PLEKHA8: variants seen among roughly 807,000 people sequenced by gnomAD.
PLEKHA8 encodes pleckstrin homology domain-containing family A member 8.
Under a neutral mutation model 68.2 loss-of-function variants are expected in PLEKHA8, and 36 were observed. The observed-to-expected ratio is 0.53, with a 90% CI of 0.40 to 0.70. The LOEUF (loss-of-function observed/expected upper bound fraction) is 0.70, where lower values mean the gene tolerates loss of function less well. PLEKHA8 is among the 30% of genes least tolerant of loss of function. The pLI, the probability that PLEKHA8 is intolerant of heterozygous loss-of-function variation, is 0.00. For missense variants in PLEKHA8, 505 were observed against 615.4 expected (o/e 0.82, Z 1.90); for synonymous variants, 211 against 216.1 (o/e 0.98, Z 0.20).
At chr7:30,118,601 G>A (rs572490252) in intron 13 of PLEKHA8, among the ~76,000 whole-genome samples, 2 of 147,144 alleles carry the variant, frequency 1.4e-5, no homozygotes, top group African/African-American at 2.5e-5. Context: ...TTTTTGAGAC[G>A]GAGTCTTGCT....
chr7:30,086,771 A>AT (rs142336702), downstream of PLEKHA8, among the ~76,000 whole-genome samples: 4,650 of 152,042 alleles, frequency 0.031, 190 homozygotes, highest in African/African-American at 0.089. Context: ...TGATATTTTT[A>AT]TTTTTTTCTT....
At chr7:30,035,019 G>A (rs894719333) in intron 1 of PLEKHA8, among the ~76,000 whole-genome samples, 4 of 151,722 alleles carry the variant, frequency 2.6e-5, no homozygotes, top group Admixed American at 6.6e-5. Context: ...ATTAATTTTT[G>A]TGTACGATAT....
chr7:30,098,683 G>A (rs1208763594), intron 13 of PLEKHA8, among the ~76,000 whole-genome samples: 2 of 152,240 alleles, frequency 1.3e-5, no homozygotes, highest in African/African-American at 2.4e-5. Context: ...CGTTGGAAAA[G>A]CGCAGTATTA....
chr7:30,032,122 C>G (rs1404737849), intron 1 of PLEKHA8, among the ~76,000 whole-genome samples: 1 of 152,156 alleles, frequency 6.6e-6, no homozygotes, highest in Non-Finnish European at 1.5e-5. Context: ...GTTACAGATT[C>G]CCACATTGTG....
intron 12 of PLEKHA8, among the ~76,000 whole-genome samples, chr7:30,066,866 A>G (rs1342366102): frequency 3.3e-5 from 5 of 152,260 alleles, no homozygotes; most frequent in African/African-American, 1.2e-4. Flanking sequence ...CATGTATTTA[A>G]TATGAAAGGC....
chr7:30,116,177 TGTATACATACGCATACATACAC>T (rs1341794302), intron 13 of PLEKHA8, among the ~76,000 whole-genome samples: 104 of 151,414 alleles, frequency 6.9e-4, no homozygotes, highest in Admixed American at 1.3e-3. Flanking sequence ...TGTATACATA[TGTATACATACGCATACATACAC>T]GTATACATGT....
At chr7:30,095,208 A>T (rs1393192960), downstream of PLEKHA8, among the ~76,000 whole-genome samples, 1 of 152,198 alleles carries the variant, frequency 6.6e-6, no homozygotes, top group African/African-American at 2.4e-5. Flanking sequence ...CTTTTTAAAG[A>T]TCGCCATGCT....
intron 13 of PLEKHA8, among the ~76,000 whole-genome samples, chr7:30,075,993 G>A (rs1368542272): frequency 6.6e-6 from 1 of 151,702 alleles, no homozygotes; most frequent in Admixed American, 6.6e-5. Context: ...TAACATTTTT[G>A]TATTTTACTG....
intron 13 of PLEKHA8, among the ~76,000 whole-genome samples, chr7:30,119,156 C>T (rs1445755682): frequency 1.3e-5 from 2 of 152,194 alleles, no homozygotes; most frequent in Non-Finnish European, 2.9e-5. Flanking sequence ...ACTTCTGAGT[C>T]ACTACGGGAC....
chr7:30,101,819 G>A (rs10275279), intron 13 of PLEKHA8, among the ~76,000 whole-genome samples: 118,578 of 152,136 alleles, frequency 0.78, 46,407 homozygotes, highest in East Asian at 0.92. Context: ...TCTGATATTG[G>A]TAAGATGTCA....
At chr7:30,056,331 T>TATAA (rs1562870092) in intron 9 of PLEKHA8, among the ~76,000 whole-genome samples, 10 of 130,420 alleles carry the variant, frequency 7.7e-5, no homozygotes, top group Non-Finnish European at 1.1e-4. Flanking sequence ...TATATATATA[T>TATAA]AAATAACATA....
At chr7:30,108,067 C>CAAAAAAAAAAAAAAAAAAAAAAAAAAAA (rs796801365) in intron 13 of PLEKHA8, among the ~76,000 whole-genome samples, 2 of 52,848 alleles carry the variant, frequency 3.8e-5, no homozygotes, top group African/African-American at 7.3e-5. Flanking sequence ...AACTCCATCT[C>CAAAAAAAAAAAAAAAAAAAAAAAAAAAA]AAAAAAAAAA....
Position 30,062,668 on chromosome 7 carries a change from T to G in PLEKHA8, c.1230-4T>G. 1.2e-6 allele frequency: 2 copies of G among 1,605,198 alleles called. No homozygotes were observed. The highest frequency in any genetic ancestry group is 2.7e-5 in the African/African-American group (2 of 74,826). On this transcript the variant is annotated splice_region_variant and splice_polypyrimidine_tract_variant and intron_variant, in intron 11 of 13. Coordinates refer to ENST00000449726, the MANE Select transcript of PLEKHA8 (RefSeq NM_001197026.2). ...ATAATATTTCTTCCTTTATTTTGTTTTAGAGGTCTCAAATTTTTGAAGGGA... is the reference window on the plus strand; with the variant it reads ...ATAATATTTCTTCCTTTATTTTGTTGTAGAGGTCTCAAATTTTTGAAGGGA...
downstream of PLEKHA8, among the ~76,000 whole-genome samples, chr7:30,087,477 T>C (rs538170403): frequency 2.0e-5 from 3 of 152,314 alleles, no homozygotes; most frequent in South Asian, 6.2e-4. Context: ...CCAAACTTGG[T>C]TGCACCTACA....
chr7:30,107,534 TTTTA>T (rs1227925394), intron 13 of PLEKHA8, among the ~76,000 whole-genome samples: 1 of 152,122 alleles, frequency 6.6e-6, no homozygotes, highest in Non-Finnish European at 1.5e-5. Context: ...TCTTTATAAA[TTTTA>T]TTTCTTTTTC....
chr7:30,103,164 TAACAAAAATGTTCCAG>T (rs1451054707), intron 13 of PLEKHA8, among the ~76,000 whole-genome samples: 1 of 152,178 alleles, frequency 6.6e-6, no homozygotes, highest in African/African-American at 2.4e-5. Context: ...CTGTTTCGAA[TAACAAAAATGTTCCAG>T]AACAAAAATG....
At chr7:30,096,784 A>G (rs951529948) in intron 13 of PLEKHA8, among the ~76,000 whole-genome samples, 2 of 152,132 alleles carry the variant, frequency 1.3e-5, no homozygotes, top group Admixed American at 6.6e-5. Flanking sequence ...TATCCAATTT[A>G]CCAGTCTGTG....
chr7:30,045,224 A>G, intron 2 of PLEKHA8, 23 bp downstream of exon 2: 2 of 1,541,328 alleles, frequency 1.3e-6, no homozygotes, highest in South Asian at 1.2e-5. Context: ...GCAACTTGCA[A>G]GTTTTATTTT....
At chr7:30,041,998 A>T (rs957379264) in intron 1 of PLEKHA8, among the ~76,000 whole-genome samples, 2 of 152,276 alleles carry the variant, frequency 1.3e-5, no homozygotes, top group African/African-American at 4.8e-5. Context: ...TGTGGAGGCG[A>T]TTAACATTTG....
Sources: allele counts gnomAD v4.1 joint callset (sites outside exome capture counted in the v4.1 genomes callset), GRCh38; gene constraint gnomAD v4.1.1; transcripts MANE v1.5; gene names NCBI Gene and HGNC (gene_info 2026-07-23, HGNC 2026-07-21).